The following AHI1 variants were observed in gnomAD, a reference collection of about 807,000 sequenced individuals.
AHI1 encodes the protein Abelson helper integration site 1.
A neutral mutation model predicts 149.3 loss-of-function variants in AHI1; 123 were observed. The ratio of observed to expected loss-of-function variants is 0.82; its 90% CI spans 0.71 to 0.96. AHI1 has a LOEUF of 0.96. Among genes scored for constraint, AHI1 ranks in the 40% least tolerant of loss-of-function variants. The probability of loss-of-function intolerance (pLI) is 0.00; values close to 1 mark genes in which losing one functional copy is unlikely to be tolerated. For synonymous variants in AHI1, 475 were observed against 459.8 expected (o/e 1.03, Z -0.42); for missense variants, 1,439 against 1,422.7 (o/e 1.01, Z -0.18).
At chr6:135,286,895 C>T (rs1450616897) in intron 28 of AHI1, among the ~76,000 whole-genome samples, 4 of 152,014 alleles carry the variant, frequency 2.6e-5, no homozygotes, top group Admixed American at 2.0e-4. Context: ...CAAAAAAAGT[C>T]TCCCTGTACA....
intron 22 of AHI1, among the ~76,000 whole-genome samples, chr6:135,403,153 G>T (rs980276025): frequency 3.3e-5 from 5 of 152,126 alleles, no homozygotes; most frequent in African/African-American, 1.2e-4. Context: ...TATTTGGAGT[G>T]TGTATGTGTA....
In AHI1 at chr6:135,431,334, C is replaced by T; in HGVS notation, c.2267-20G>A. The T allele has an allele frequency of 6.9e-7, 1 of 1,454,162 alleles. No homozygotes were observed. The highest frequency in any genetic ancestry group is 9.5e-7 in the Non-Finnish European group (1 of 1,048,732). The allele number at this position is 1,454,162 out of a possible 1,614,324, so 90.1% of individuals were successfully genotyped here. A position where few individuals can be genotyped will look rare whatever the true frequency, so the allele number is the denominator to read the frequency against. On this transcript the variant is annotated intron_variant, in intron 16 of 28. Coordinates refer to ENST00000265602, the MANE Select transcript of AHI1 (RefSeq NM_001134831.2). ...GATGACCTATTTAAAAAAATAAGAT[C>T]ACTCACTTATGAATGTCACACAGAG...
intron 18 of AHI1, among the ~76,000 whole-genome samples, chr6:135,429,372 G>A (rs942324815): frequency 6.6e-6 from 1 of 151,474 alleles, no homozygotes; most frequent in Non-Finnish European, 1.5e-5. Flanking sequence ...AGTCCATGTT[G>A]ATTTTCCCAG....
At chr6:135,316,010 A>G (rs573266258) in intron 26 of AHI1, among the ~76,000 whole-genome samples, 3 of 151,830 alleles carry the variant, frequency 2.0e-5, no homozygotes, top group Non-Finnish European at 4.4e-5. Flanking sequence ...AGCAACATCC[A>G]TGACCTCTGC....
chr6:135,342,952 A>C (rs1369609042), intron 24 of AHI1, among the ~76,000 whole-genome samples: 1 of 151,700 alleles, frequency 6.6e-6, no homozygotes, highest in Non-Finnish European at 1.5e-5. Flanking sequence ...GGCAAGAAAA[A>C]AAAAAGGCAC....
At chr6:135,373,102 C>T (rs965033109) in intron 23 of AHI1, among the ~76,000 whole-genome samples, 34 of 152,290 alleles carry the variant, frequency 2.2e-4, no homozygotes, top group African/African-American at 7.9e-4. Flanking sequence ...CGTTAATTTA[C>T]CCTTTGGTAA....
In AHI1 at chr6:135,290,682, T is replaced by A. The variant is rs73557666; in HGVS notation, c.3486-157A>T. On this transcript the variant is annotated intron_variant, in intron 27 of 28. Coordinates refer to ENST00000265602, the MANE Select transcript of AHI1 (RefSeq NM_001134831.2). Reference sequence around the variant, plus strand: ...AAACATCCGGCAGAACTAATGAGTATACACGGGGATGAGAGACAAGGAATT... The same window carrying A: ...AAACATCCGGCAGAACTAATGAGTAAACACGGGGATGAGAGACAAGGAATT... Among the ~76,000 whole-genome samples the A allele has an allele frequency of 1.2e-3, 187 of 152,228 alleles. 1 individual carries two copies. Among genetic ancestry groups the A allele is most frequent in the African/African-American group, 4.1e-3 (172 of 41,520 alleles).
chr6:135,475,553 G>A (rs956507701), intron 5 of AHI1, among the ~76,000 whole-genome samples: 4 of 152,300 alleles, frequency 2.6e-5, no homozygotes, highest in Middle Eastern at 3.4e-3. Context: ...AGCTGAGGTC[G>A]GTGACACAGG....
chr6:135,292,624 C>T (rs1349328863), intron 27 of AHI1, among the ~76,000 whole-genome samples: 4 of 152,250 alleles, frequency 2.6e-5, no homozygotes, highest in East Asian at 1.9e-4. Context: ...ACTTGAGGCC[C>T]GGAACAGTGT....
chr6:135,416,297 CTG>C (rs1487636158), intron 20 of AHI1, among the ~76,000 whole-genome samples: 1 of 151,530 alleles, frequency 6.6e-6, no homozygotes, highest in African/African-American at 2.4e-5. Context: ...CACAAAAGAA[CTG>C]TGTCCAATAA....
chr6:135,301,749 A>C (rs539151531), intron 26 of AHI1: 1 of 985,454 alleles, frequency 1.0e-6, no homozygotes, highest in South Asian at 4.7e-5. Flanking sequence ...ATGACATCTT[A>C]ATTTTTCTCC....
intron 23 of AHI1, among the ~76,000 whole-genome samples, chr6:135,379,267 A>C (rs1353390324): frequency 6.6e-6 from 1 of 152,068 alleles, no homozygotes; most frequent in African/African-American, 2.4e-5. Context: ...CCACTCATTC[A>C]CCTAAATTAG....
chr6:135,405,085 A>G, intron 21 of AHI1, 108 bp from the exon 22 acceptor site: 1 of 904,000 alleles, frequency 1.1e-6, no homozygotes, highest in Non-Finnish European at 1.7e-6. Context: ...CAGCATTTGG[A>G]AGTTTCTTTA....
At position 135,448,370 on chromosome 6, in the gene AHI1, C is replaced by G. The variant is rs1787564058; in HGVS notation, c.1546G>C (p.Glu516Gln). Reference protein sequence around the residue: ...RSPLSVVEAFEWWSKCPRNHY... With the variant: ...RSPLSVVEAFQWWSKCPRNHY... ...TTTCTTGGACATTTTGACCACCATT[C>G]AAATGCCTCAACAACACTTAATGGG... is the stretch of plus-strand genomic sequence containing the variant. Residue 516 changes from glutamate (E) to glutamine (Q), a missense_variant, in exon 12 of 29, where the codon GAA becomes CAA. Glu to Gln is a conservative substitution (Grantham distance 29). Transcript: ENST00000265602. 16 of 1,611,018 alleles carry G rather than the reference C, an allele frequency of 9.9e-6. No homozygotes were observed. Among genetic ancestry groups the G allele is most frequent in the Non-Finnish European group, 1.4e-5 (16 of 1,178,082 alleles).
At chr6:135,302,764 C>T (rs1337827239) in intron 26 of AHI1, 1 of 1,288,240 alleles carries the variant, frequency 7.8e-7, no homozygotes, top group African/African-American at 1.5e-5. Flanking sequence ...CTCATGGAGG[C>T]AGAAGCAGGG....
intron 26 of AHI1, among the ~76,000 whole-genome samples, chr6:135,313,275 T>A (rs990491545): frequency 6.6e-6 from 1 of 152,204 alleles, no homozygotes. Flanking sequence ...GAAAAAAATA[T>A]ATGCAGGATT....
chr6:135,437,445 TC>T (rs1471398639), intron 15 of AHI1, among the ~76,000 whole-genome samples: 1 of 152,192 alleles, frequency 6.6e-6, no homozygotes, highest in Non-Finnish European at 1.5e-5. Flanking sequence ...AATAGTAGGT[TC>T]CCAGCATGAC....
At chr6:135,313,658 G>C (rs1263858493) in intron 26 of AHI1, among the ~76,000 whole-genome samples, 1 of 152,172 alleles carries the variant, frequency 6.6e-6, no homozygotes, top group Non-Finnish European at 1.5e-5. Flanking sequence ...TCTAAACTAA[G>C]ACTATGATGC....
chr6:135,352,325 C>T (rs1245799988), intron 24 of AHI1, among the ~76,000 whole-genome samples: 1 of 152,172 alleles, frequency 6.6e-6, no homozygotes, highest in Non-Finnish European at 1.5e-5. Context: ...CTTCTACTAT[C>T]TCATCTACGC....
Sources: gnomAD v4.1 joint callset for allele counts (sites outside exome capture counted in the v4.1 genomes callset) on GRCh38, gnomAD v4.1.1 for gene constraint, MANE v1.5 for transcripts, NCBI Gene and HGNC (gene_info 2026-07-23, HGNC 2026-07-21) for gene names.